SND1: variants seen among roughly 807,000 people sequenced by gnomAD.
SND1 encodes the protein staphylococcal nuclease and tudor domain containing 1, also known as staphylococcal nuclease domain-containing protein 1.
Under a neutral mutation model 121.7 loss-of-function variants are expected in SND1, and 38 were observed. That is an observed-to-expected ratio of 0.31 (90% CI 0.24 to 0.41). The LOEUF (loss-of-function observed/expected upper bound fraction) is 0.41. Ranked by LOEUF, SND1 falls within the 10% of genes least tolerant of loss-of-function variation. The pLI is 1.00. For missense variants in SND1, 868 were observed against 1,184.6 expected, an observed-to-expected ratio of 0.73 and a Z score of 3.92; for synonymous variants, 401 against 447.4, an observed-to-expected ratio of 0.90 and a Z score of 1.31.
At chr7:127,731,126 C>T (rs1796667905) in intron 10 of SND1, among the ~76,000 whole-genome samples, 1 of 152,250 alleles carries the variant, frequency 6.6e-6, no homozygotes, top group African/African-American at 2.4e-5. Flanking sequence ...TCCCGTCTCC[C>T]TTAGGCTCTT....
intron 14 of SND1, among the ~76,000 whole-genome samples, chr7:127,906,701 G>A (rs545109974): frequency 1.3e-5 from 2 of 152,264 alleles, no homozygotes; most frequent in East Asian, 3.9e-4. Context: ...GGCACCAACA[G>A]TGAGGTGAAG....
intron 2 of SND1, among the ~76,000 whole-genome samples, chr7:127,691,517 C>G (rs1587599174): frequency 6.6e-6 from 1 of 151,948 alleles, no homozygotes; most frequent in African/African-American, 2.4e-5. Context: ...GCATTCCAGC[C>G]TGGCGACAGA....
chr7:128,030,084 T>C, intron 16 of SND1: 1 of 1,613,658 alleles, frequency 6.2e-7, no homozygotes, highest in Non-Finnish European at 8.5e-7. Context: ...CTCAGAGATA[T>C]ACTCCAGCTT....
chr7:127,920,815 A>T (rs1800686987), intron 14 of SND1, among the ~76,000 whole-genome samples: 1 of 151,232 alleles, frequency 6.6e-6, no homozygotes, highest in Admixed American at 6.6e-5. Flanking sequence ...CTTGAGGCAC[A>T]GATACACCAT....
At chr7:127,803,159 G>A (rs1798166315) in intron 10 of SND1, among the ~76,000 whole-genome samples, 1 of 152,146 alleles carries the variant, frequency 6.6e-6, no homozygotes, top group South Asian at 2.1e-4. Flanking sequence ...CTGCAGTGGT[G>A]GTGCCTTTGT....
At chr7:127,654,059 A>G (rs953699423) in intron 1 of SND1, among the ~76,000 whole-genome samples, 3 of 152,040 alleles carry the variant, frequency 2.0e-5, no homozygotes, top group Non-Finnish European at 2.9e-5. Context: ...TCTTTCTGAG[A>G]TTTCTCCTTG....
intron 10 of SND1, among the ~76,000 whole-genome samples, chr7:127,772,703 T>C (rs1165594422): frequency 6.6e-6 from 1 of 151,600 alleles, no homozygotes; most frequent in Non-Finnish European, 1.5e-5. Flanking sequence ...ACATGTAATT[T>C]TTTTTTTTAA....
intron 10 of SND1, among the ~76,000 whole-genome samples, chr7:127,727,791 G>A (rs1322701913): frequency 6.6e-6 from 1 of 152,102 alleles, no homozygotes; most frequent in Non-Finnish European, 1.5e-5. Flanking sequence ...TTTCATCTGG[G>A]CATTTTTGAG....
chr7:127,680,300 C>CG (rs551034336), intron 1 of SND1, among the ~76,000 whole-genome samples: 235 of 152,250 alleles, frequency 1.5e-3, no homozygotes, highest in Non-Finnish European at 2.7e-3. Context: ...GTTTCAGGCA[C>CG]CATTGTCATT....
chr7:127,702,431 A>G lies in SND1; in HGVS notation c.590-4A>G, dbSNP rs759391948. On this transcript the variant is annotated splice_region_variant and splice_polypyrimidine_tract_variant and intron_variant, in intron 5 of 23. Transcript: ENST00000354725. ...GGACTTAAGCTGTTTATTCTGTCAC[A>G]CAGCTATCATCGAGCATGTGCGGGA... The G allele has an allele frequency of 6.2e-7, 1 of 1,613,910 alleles. No individual in the cohort carries two copies. The highest frequency in any genetic ancestry group is 8.5e-7 in the Non-Finnish European group (1 of 1,179,796).
intron 12 of SND1, among the ~76,000 whole-genome samples, chr7:127,860,538 T>C (rs1170517129): frequency 6.6e-6 from 1 of 152,206 alleles, no homozygotes; most frequent in East Asian, 1.9e-4. Context: ...CTTAGTTGAA[T>C]TGCTTGTCTG....
At chr7:128,022,231 G>C (rs961508994) in intron 16 of SND1, among the ~76,000 whole-genome samples, 1 of 146,370 alleles carries the variant, frequency 6.8e-6, no homozygotes, top group African/African-American at 2.5e-5. Flanking sequence ...AAAAAAAGAA[G>C]GTAGGAGGGT....
At chr7:128,004,611 T>C (rs1287321707) in intron 16 of SND1, among the ~76,000 whole-genome samples, 4 of 152,234 alleles carry the variant, frequency 2.6e-5, no homozygotes, top group Non-Finnish European at 5.9e-5. Flanking sequence ...CAGCATATCC[T>C]AAAGAGAATC....
intron 1 of SND1, among the ~76,000 whole-genome samples, chr7:127,669,561 C>A (rs1465786429): frequency 6.6e-6 from 1 of 152,196 alleles, no homozygotes; most frequent in African/African-American, 2.4e-5. Flanking sequence ...CAAATTCTAT[C>A]ATCTCTTCTA....
chr7:127,987,032 T>C (rs181181683), intron 15 of SND1, among the ~76,000 whole-genome samples: 127 of 152,374 alleles, frequency 8.3e-4, no homozygotes, highest in Non-Finnish European at 1.7e-3. Flanking sequence ...TAATATATCT[T>C]TATCAGCAGG....
intron 10 of SND1, among the ~76,000 whole-genome samples, chr7:127,767,063 T>G (rs1166708400): frequency 1.3e-5 from 2 of 152,118 alleles, no homozygotes; most frequent in Non-Finnish European, 2.9e-5. Context: ...GAGAGAGAGA[T>G]ATATCTAGGG....
intron 18 of SND1, 147 bp from the exon 19 acceptor site, chr7:128,084,577 C>T (rs1793657523): frequency 1.3e-6 from 1 of 743,368 alleles, no homozygotes. Context: ...AAGAGGGCTT[C>T]CCCGCATGGG....
At chr7:127,714,715 CTAAG>C (rs1366637411) in intron 9 of SND1, among the ~76,000 whole-genome samples, 4 of 152,214 alleles carry the variant, frequency 2.6e-5, no homozygotes, top group Non-Finnish European at 5.9e-5. Flanking sequence ...TTTGACTACT[CTAAG>C]TAATTCATAT....
At chr7:127,857,842 C>T (rs1255378015) in intron 12 of SND1, 13 of 1,047,050 alleles carry the variant, frequency 1.2e-5, no homozygotes, top group Admixed American at 1.7e-5. Flanking sequence ...AGGTCCCCAG[C>T]AGTCTCAGGT....
Sources: allele counts gnomAD v4.1 joint callset (sites outside exome capture counted in the v4.1 genomes callset), GRCh38; gene constraint gnomAD v4.1.1; transcripts MANE v1.5; gene names NCBI Gene and HGNC (gene_info 2026-07-23, HGNC 2026-07-21).